The following CFAP52 variants were observed in gnomAD, a reference collection of about 807,000 sequenced individuals.
CFAP52 encodes cilia and flagella associated protein 52, also known as cilia- and flagella-associated protein 52.
Under a neutral mutation model 70.5 loss-of-function variants are expected in CFAP52, and 57 were observed. The observed-to-expected ratio is 0.81, with a 90% CI of 0.65 to 1.01. The LOEUF (loss-of-function observed/expected upper bound fraction) is 1.01, where lower values mean the gene tolerates loss of function less well. Ranked by LOEUF, CFAP52 falls within the 50% of genes least tolerant of loss-of-function variation. The pLI, the probability that CFAP52 is intolerant of heterozygous loss-of-function variation, is 0.00. For missense variants in CFAP52, 785 were observed against 788.5 expected (o/e 1.00, Z 0.05); for synonymous variants, 267 against 292.5 (o/e 0.91, Z 0.89).
At chr17:9,631,016 A>AGAGAGAG (rs1567634774) in intron 9 of CFAP52, among the ~76,000 whole-genome samples, 20 of 51,134 alleles carry the variant, frequency 3.9e-4, no homozygotes, top group African/African-American at 2.7e-3. Context: ...GAAAGAAAGA[A>AGAGAGAG]AGAAAGAAAG....
At chr17:9,625,879 T>G (rs1249739914) in intron 8 of CFAP52, among the ~76,000 whole-genome samples, 1 of 152,232 alleles carries the variant, frequency 6.6e-6, no homozygotes, top group African/African-American at 2.4e-5. Flanking sequence ...CTTATACTTT[T>G]GAGCCCAGTT....
In CFAP52 at chr17:9,585,909, C is replaced by G. The variant is rs1468820447; in HGVS notation, c.207C>G (p.Cys69Trp). ...AGGGTCATGGCAACAACGTCTCCTG[C>G]TTGGCCATCTCCAGGTCTGGAGAGT... ...FLQGHGNNVS[C>W]LAISRSGEYI... Residue 69 changes from cysteine to tryptophan, a missense_variant, in exon 2 of 14, where the codon TGC (cysteine) becomes TGG (tryptophan). Transcript: ENST00000352665. 3 of 1,613,652 alleles carry G rather than the reference C, an allele frequency of 1.9e-6. No homozygotes were observed. Among genetic ancestry groups the G allele is most frequent in the Non-Finnish European group, 1.7e-6 (2 of 1,179,932 alleles).
At chr17:9,644,773 C>T (rs1597802310), downstream of CFAP52, 2 of 152,296 alleles carry the variant, frequency 1.3e-5, no homozygotes, top group Middle Eastern at 6.8e-3. Flanking sequence ...AGGGCCTGAA[C>T]TTGGCAGTCC....
At chr17:9,638,129 G>A (rs776166856) in intron 11 of CFAP52, among the ~76,000 whole-genome samples, 1 of 152,158 alleles carries the variant, frequency 6.6e-6, no homozygotes, top group Non-Finnish European at 1.5e-5. Flanking sequence ...TCTTGCTACA[G>A]CTTTTATTTG....
chr17:9,585,489 A>T (rs1265223818), intron 1 of CFAP52, among the ~76,000 whole-genome samples: 4 of 152,122 alleles, frequency 2.6e-5, no homozygotes, highest in Middle Eastern at 3.2e-3. Context: ...CAACATGGTG[A>T]AACCCCGTCT....
In CFAP52 at chr17:9,598,353, T is replaced by G; in HGVS notation, c.636+20T>G. The G allele has an allele frequency of 6.3e-7, 1 of 1,594,782 alleles. No individual in the cohort carries two copies. The highest frequency in any genetic ancestry group is 8.6e-7 in the Non-Finnish European group (1 of 1,165,588). ...ATTGGAGTAAGTATTAATTTAAGTA[T>G]TAAGTAACAATTAGCACACGTTCCT... On this transcript the variant is annotated intron_variant, in intron 5 of 13. Transcript: ENST00000352665.
At chr17:9,641,641 A>T in intron 12 of CFAP52, 83 bp from the exon 13 acceptor site, 1 of 992,990 alleles carries the variant, frequency 1.0e-6, no homozygotes, top group Non-Finnish European at 1.6e-6. Context: ...CTTCTATATA[A>T]AGTAGAGCCA....
Position 9,585,887 on chromosome 17 carries a change from G to C in CFAP52, c.185G>C (p.Gly62Ala). ...INTKEQNFLQ[G>A]HGNNVSCLAI... is the part of the protein sequence containing the mutation. The stretch of plus-strand genomic sequence containing the variant: ...ACTAAAGAGCAGAACTTCCTACAGG[G>C]TCATGGCAACAACGTCTCCTGCTTG... Residue 62 changes from glycine (G) to alanine (A), a missense_variant, in exon 2 of 14, where the codon GGT becomes GCT. Physicochemically the swap from Gly to Ala is moderately conservative, Grantham distance 60. Transcript: ENST00000352665. The C allele has an allele frequency of 6.2e-7, 1 of 1,613,778 alleles. No individual in the cohort carries two copies. Among genetic ancestry groups the C allele is most frequent in the Non-Finnish European group, 8.5e-7 (1 of 1,179,902 alleles).
intron 2 of CFAP52, among the ~76,000 whole-genome samples, 178 bp from the exon 3 acceptor site, chr17:9,586,520 C>T (rs1055844175): frequency 6.7e-6 from 1 of 148,870 alleles, no homozygotes; most frequent in Admixed American, 6.8e-5. Context: ...GCAGAGATCT[C>T]GCCATTGCAC....
At chr17:9,630,445 TAA>T (rs1301828244) in intron 9 of CFAP52, among the ~76,000 whole-genome samples, 2 of 147,804 alleles carry the variant, frequency 1.4e-5, no homozygotes, top group Non-Finnish European at 3.0e-5. Flanking sequence ...TTTTTTTTTT[TAA>T]GAGACGGAGT....
intron 9 of CFAP52, among the ~76,000 whole-genome samples, chr17:9,631,066 G>GAA (rs368545420): frequency 8.1e-6 from 1 of 123,200 alleles, no homozygotes; most frequent in African/African-American, 3.4e-5. Flanking sequence ...AAGAAAGAAA[G>GAA]AAAGAAAGAA....
intron 10 of CFAP52, among the ~76,000 whole-genome samples, chr17:9,633,970 C>T (rs537386868): frequency 3.3e-5 from 5 of 152,224 alleles, no homozygotes; most frequent in South Asian, 2.1e-4. Flanking sequence ...CGTGAGCCAC[C>T]GCGCCTGGCC....
intron 7 of CFAP52, among the ~76,000 whole-genome samples, chr17:9,608,883 T>C (rs967636491): frequency 6.6e-6 from 1 of 152,188 alleles, no homozygotes; most frequent in African/African-American, 2.4e-5. Flanking sequence ...CGTTTGGGGC[T>C]AAGGTATGTA....
intron 1 of CFAP52, among the ~76,000 whole-genome samples, chr17:9,582,202 G>A (rs943179696): frequency 6.6e-6 from 1 of 152,156 alleles, no homozygotes; most frequent in South Asian, 2.1e-4. Context: ...GGGCATGTGC[G>A]CATTCAAGCA....
chr17:9,581,608 T>A (rs1243429479), intron 1 of CFAP52, among the ~76,000 whole-genome samples: 17 of 151,380 alleles, frequency 1.1e-4, no homozygotes, highest in Admixed American at 1.1e-3. Context: ...AGAGAGAAAA[T>A]GGAGTGTGTG....
chr17:9,598,395 A>G (rs1183265108), intron 5 of CFAP52, 62 bp downstream of exon 5: 2 of 1,405,912 alleles, frequency 1.4e-6, no homozygotes, highest in Non-Finnish European at 2.0e-6. Flanking sequence ...AGTGCTGACC[A>G]AGGTGTTTGT....
intron 3 of CFAP52, among the ~76,000 whole-genome samples, chr17:9,591,463 C>T (rs1908758424): frequency 6.6e-6 from 1 of 152,206 alleles, no homozygotes; most frequent in Non-Finnish European, 1.5e-5. Context: ...TATGTCCACA[C>T]ACGTAGATAT....
intron 8 of CFAP52, among the ~76,000 whole-genome samples, chr17:9,628,283 T>TC (rs1210837685): frequency 1.6e-5 from 2 of 127,698 alleles, no homozygotes; most frequent in Non-Finnish European, 3.3e-5. Flanking sequence ...CCCTATATTC[T>TC]TTTTTTTTTT....
chr17:9,614,141 TTTC>T (rs1909817077), intron 8 of CFAP52, among the ~76,000 whole-genome samples: 3 of 141,818 alleles, frequency 2.1e-5, no homozygotes, highest in Admixed American at 7.8e-5. Context: ...TCCTTTTCTT[TTTC>T]TTTTCTTTCT....
Sources: allele counts gnomAD v4.1 joint callset (sites outside exome capture counted in the v4.1 genomes callset), GRCh38; gene constraint gnomAD v4.1.1; transcripts MANE v1.5; gene names NCBI Gene and HGNC (gene_info 2026-07-23, HGNC 2026-07-21).